ADAMTS19: variants seen among roughly 807,000 people sequenced by gnomAD.
The protein encoded by ADAMTS19 is A disintegrin and metalloproteinase with thrombospondin motifs 19.
In ADAMTS19, 93 loss-of-function variants were observed where a neutral mutation model predicts 153.3. The observed-to-expected ratio is 0.61, with a 90% CI of 0.51 to 0.72. The LOEUF is 0.72. ADAMTS19 is among the 30% of genes least tolerant of loss of function. The pLI, the probability that ADAMTS19 is intolerant of heterozygous loss-of-function variation, is 0.00. For synonymous variants in ADAMTS19, 600 were observed against 556.6 expected (o/e 1.08, Z -1.10); for missense variants, 1,482 against 1,552.1 (o/e 0.95, Z 0.76).
chr5:129,642,673 G>A (rs1387184744), intron 11 of ADAMTS19, among the ~76,000 whole-genome samples: 1 of 152,160 alleles, frequency 6.6e-6, no homozygotes, highest in Non-Finnish European at 1.5e-5. Context: ...GTACTCAATT[G>A]TTAAGATCAG....
At chr5:129,657,475 G>A (rs1348714213) in intron 14 of ADAMTS19, among the ~76,000 whole-genome samples, 1 of 152,126 alleles carries the variant, frequency 6.6e-6, no homozygotes, top group East Asian at 1.9e-4. Context: ...TGACAGTACT[G>A]ACATACTAAA....
Position 129,461,639 on chromosome 5 carries a change from CG to C in ADAMTS19, c.634del (p.Ala212GlnfsTer38), listed in dbSNP as rs767568164. On this transcript the variant is annotated frameshift_variant, in exon 2 of 23. Coordinates refer to ENST00000274487, the MANE Select transcript of ADAMTS19 (RefSeq NM_133638.6). LOFTEE classifies it high-confidence loss of function. This position sits in a 1 kb window ranked among gnomAD's most constrained non-coding sequence, Gnocchi z 4.6. ...CGGCCAAATCCCGGCCCCGGCCCCACGGGGGCAGCATCCGCCCCGCAACCTC... is the reference window on the plus strand; with the variant it reads ...CGGCCAAATCCCGGCCCCGGCCCCACGGGGCAGCATCCGCCCCGCAACCTC... ...EQRPNPGPGP[T>X]GAASAPQPPA... The C allele has an allele frequency of 3.3e-6, 5 of 1,529,076 alleles. No individual in the cohort carries two copies. Among genetic ancestry groups the C allele is most frequent in the Middle Eastern group, 1.8e-4 (1 of 5,646 alleles). The allele number at this position is 1,529,076 out of a possible 1,614,324, so 94.7% of individuals were successfully genotyped here. A position where few individuals can be genotyped will look rare whatever the true frequency, so the allele number is the denominator to read the frequency against.
At chr5:129,477,936 T>G (rs1014937836) in intron 2 of ADAMTS19, among the ~76,000 whole-genome samples, 3 of 152,172 alleles carry the variant, frequency 2.0e-5, no homozygotes, top group African/African-American at 7.2e-5. Context: ...AGTGCCTGTT[T>G]CCCCTTCTAT....
intron 21 of ADAMTS19, among the ~76,000 whole-genome samples, chr5:129,733,490 G>A (rs780324605): frequency 2.0e-5 from 3 of 151,876 alleles, no homozygotes; most frequent in Non-Finnish European, 4.4e-5. Flanking sequence ...TTAAAAAGTG[G>A]GCAAAGGACA....
chr5:129,530,506 ATG>A (rs748606087), intron 6 of ADAMTS19, among the ~76,000 whole-genome samples: 10 of 152,170 alleles, frequency 6.6e-5, no homozygotes, highest in Admixed American at 2.6e-4. Flanking sequence ...AGGAGGAACA[ATG>A]TTCAAATAAA....
chr5:129,643,984 T>C (rs1348827215), intron 11 of ADAMTS19, among the ~76,000 whole-genome samples: 1 of 150,452 alleles, frequency 6.6e-6, no homozygotes, highest in Non-Finnish European at 1.5e-5. Flanking sequence ...TGTTTGTCTT[T>C]AGTTTTTTAG....
At chr5:129,610,228 A>T (rs1751134732) in intron 8 of ADAMTS19, among the ~76,000 whole-genome samples, 1 of 152,080 alleles carries the variant, frequency 6.6e-6, no homozygotes. Flanking sequence ...TTATTGAATA[A>T]TCCTTTTTAA....
At chr5:129,551,639 T>C (rs1256228979) in intron 6 of ADAMTS19, among the ~76,000 whole-genome samples, 1 of 151,756 alleles carries the variant, frequency 6.6e-6, no homozygotes, top group African/African-American at 2.4e-5. Flanking sequence ...GTCCATCATA[T>C]GGGAACTGTC....
chr5:129,694,766 T>C lies in ADAMTS19; in HGVS notation c.2865T>C (p.Asn955=), dbSNP rs201482229. 7 of 1,607,626 alleles carry C rather than the reference T, an allele frequency of 4.4e-6. No individual in the cohort carries two copies. The highest frequency in any genetic ancestry group is 1.7e-4 in the Middle Eastern group (1 of 6,038). Residue 955 remains asparagine, a synonymous_variant, in exon 19 of 23, where the codon AAT becomes AAC. Transcript: ENST00000274487. ...CCTGCACAAAAATCATGAGCAAAAA[T>C]ATCAGCATTGTGGACAATGAGAAAT... ...TVSCTKIMSK[N]ISIVDNEKCK...
chr5:129,619,183 T>A (rs950031227), intron 8 of ADAMTS19, among the ~76,000 whole-genome samples: 3 of 151,950 alleles, frequency 2.0e-5, no homozygotes, highest in Non-Finnish European at 4.4e-5. Context: ...TTAGACAGCA[T>A]ATGGGGTTGC....
At chr5:129,492,398 G>A (rs1220205078) in intron 2 of ADAMTS19, among the ~76,000 whole-genome samples, 1 of 151,986 alleles carries the variant, frequency 6.6e-6, no homozygotes, top group Non-Finnish European at 1.5e-5. Flanking sequence ...ATAAGTGGAG[G>A]GGTCTAAGAT....
intron 17 of ADAMTS19, among the ~76,000 whole-genome samples, chr5:129,681,767 T>C (rs554027114): frequency 1.3e-4 from 20 of 152,288 alleles, no homozygotes; most frequent in African/African-American, 4.8e-4. Context: ...ATTTTGTGCA[T>C]CACCTCACAG....
At chr5:129,536,313 G>T in intron 6 of ADAMTS19, among the ~76,000 whole-genome samples, 1 of 152,164 alleles carries the variant, frequency 6.6e-6, no homozygotes, top group East Asian at 1.9e-4. Flanking sequence ...ATGAAAAAAT[G>T]CTCATCATCA....
At chr5:129,475,874 T>C (rs1275846711) in intron 2 of ADAMTS19, among the ~76,000 whole-genome samples, 10 of 152,160 alleles carry the variant, frequency 6.6e-5, no homozygotes, top group Admixed American at 6.5e-4. Context: ...CCTCTTTATA[T>C]TTCTATATAC....
intron 6 of ADAMTS19, among the ~76,000 whole-genome samples, chr5:129,544,323 G>T (rs1225832753): frequency 1.3e-5 from 2 of 152,062 alleles, no homozygotes; most frequent in Non-Finnish European, 2.9e-5. Context: ...AGACAGCTCT[G>T]CAGTCTTTTA....
At chr5:129,642,277 A>T (rs896166376) in intron 11 of ADAMTS19, among the ~76,000 whole-genome samples, 1 of 152,086 alleles carries the variant, frequency 6.6e-6, no homozygotes, top group Non-Finnish European at 1.5e-5. Flanking sequence ...AATTAAGCAC[A>T]AATAATAGCA....
intron 2 of ADAMTS19, among the ~76,000 whole-genome samples, chr5:129,497,030 T>C (rs1750947315): frequency 6.6e-6 from 1 of 152,090 alleles, no homozygotes; most frequent in African/African-American, 2.4e-5. Context: ...GCTCTTGCTA[T>C]TGAATTTAAC....
chr5:129,602,007 G>C lies in ADAMTS19; in HGVS notation c.1478+5343G>C, dbSNP rs1280845001. 2.6e-5 allele frequency among the ~76,000 whole-genome samples: 4 copies of C among 152,320 alleles called. No homozygotes were observed. In the Middle Eastern group the frequency reaches 0.014, roughly 518 times the overall value. ...AGGACTTAGAGGTTACTTCCAAGGA[G>C]TCAGGCAAGGACTAAATAGTTCTTT... On this transcript the variant is annotated intron_variant, in intron 8 of 22. Coordinates refer to ENST00000274487, the MANE Select transcript of ADAMTS19 (RefSeq NM_133638.6).
Position 129,667,286 on chromosome 5 carries a change from TTTCTC to T in ADAMTS19, c.2506+1709_2506+1713del, listed in dbSNP as rs147038400. Among the ~76,000 whole-genome samples the T allele has an allele frequency of 7.8e-3, 1,183 of 152,304 alleles. 15 individuals carry two copies. The highest frequency in any genetic ancestry group is 0.027 in the African/African-American group (1,134 of 41,570). ...GGGGTTCAGGCCTGGGTCCTGATCT[TTTCTC>T]TGCTATATTCTGTCCCCAGGGAATT... On this transcript the variant is annotated intron_variant, in intron 16 of 22. Transcript: ENST00000274487.
Sources: gnomAD v4.1 joint callset for allele counts (sites outside exome capture counted in the v4.1 genomes callset) on GRCh38, gnomAD v4.1.1 for gene constraint, Gnocchi (gnomAD v3.1) non-coding constraint, MANE v1.5 for transcripts, NCBI Gene and HGNC (gene_info 2026-07-23, HGNC 2026-07-21) for gene names.